Variants in ROBO2 observed in about 807,000 individuals in gnomAD.
The protein encoded by ROBO2 is roundabout homolog 2.
In ROBO2, 53 loss-of-function variants were observed where a neutral mutation model predicts 160.8. The ratio of observed to expected loss-of-function variants is 0.33; its 90% CI spans 0.26 to 0.41. The LOEUF is 0.41. Ranked by LOEUF, ROBO2 falls within the 10% of genes least tolerant of loss-of-function variation. The pLI is 1.00. For missense variants in ROBO2, 1,577 were observed against 1,722.4 expected (o/e 0.92, Z 1.49); for synonymous variants, 664 against 611.7 (o/e 1.09, Z -1.26).
chr3:76,423,251 A>G (rs1254370005), intron 2 of ROBO2, among the ~76,000 whole-genome samples: 1 of 152,242 alleles, frequency 6.6e-6, no homozygotes. Flanking sequence ...AGGAAGACAC[A>G]GAACTGCTGA....
intron 2 of ROBO2, among the ~76,000 whole-genome samples, chr3:77,438,340 C>T (rs2079537186): frequency 6.6e-6 from 1 of 151,722 alleles, no homozygotes; most frequent in Non-Finnish European, 1.5e-5. Flanking sequence ...AAATGACTAC[C>T]CACTTAGACT....
At chr3:77,580,267 T>A (rs1559656375) in intron 16 of ROBO2, 149 bp downstream of exon 17, 4 of 779,688 alleles carry the variant, frequency 5.1e-6, no homozygotes, top group South Asian at 1.5e-5. Flanking sequence ...CTGACTAGAG[T>A]TTTTTACAAA....
At chr3:75,952,366 A>G (rs1948574103) in intron 2 of ROBO2, among the ~76,000 whole-genome samples, 2 of 152,006 alleles carry the variant, frequency 1.3e-5, no homozygotes, top group Non-Finnish European at 2.9e-5. Flanking sequence ...GAATGAAACT[A>G]TATTTATTAA....
At chr3:76,122,382 C>A (rs969508567) in intron 2 of ROBO2, among the ~76,000 whole-genome samples, 7 of 151,866 alleles carry the variant, frequency 4.6e-5, no homozygotes, top group Non-Finnish European at 7.4e-5. Context: ...TTTTATTTTT[C>A]TTGATATTTT....
At chr3:77,589,287 A>G (rs1341497648) in intron 17 of ROBO2, among the ~76,000 whole-genome samples, 1 of 152,126 alleles carries the variant, frequency 6.6e-6, no homozygotes, top group East Asian at 1.9e-4. Flanking sequence ...ATGTTTGAGA[A>G]GTGGATTTAT....
chr3:77,115,067 T>C (rs910829541), intron 2 of ROBO2, among the ~76,000 whole-genome samples: 1 of 152,134 alleles, frequency 6.6e-6, no homozygotes, highest in Non-Finnish European at 1.5e-5. Flanking sequence ...CTTTCCATCT[T>C]AGATATGTTG....
intron 1 of ROBO2, among the ~76,000 whole-genome samples, chr3:75,908,684 G>A (rs943895031): frequency 6.6e-6 from 1 of 151,936 alleles, no homozygotes; most frequent in African/African-American, 2.4e-5. Flanking sequence ...TGAAAAAAAA[G>A]CATTTCTTAT....
intron 2 of ROBO2, among the ~76,000 whole-genome samples, chr3:76,644,682 T>C (rs1025890890): frequency 2.0e-5 from 3 of 152,294 alleles, no homozygotes; most frequent in Middle Eastern, 6.8e-3. Context: ...CCTACAAATG[T>C]AATAGATGCT....
chr3:77,149,492 C>T (rs1268491879), intron 2 of ROBO2, among the ~76,000 whole-genome samples: 3 of 152,130 alleles, frequency 2.0e-5, no homozygotes, highest in South Asian at 4.1e-4. Context: ...ACTTGCAACC[C>T]GTGTGTAAGA....
chr3:76,529,197 T>C (rs2082100658), intron 2 of ROBO2, among the ~76,000 whole-genome samples: 1 of 152,156 alleles, frequency 6.6e-6, no homozygotes, highest in African/African-American at 2.4e-5. Context: ...AAAGGATTCA[T>C]AAAAGCTTTT....
intron 2 of ROBO2, among the ~76,000 whole-genome samples, chr3:76,297,534 G>A (rs982831549): frequency 6.6e-6 from 1 of 151,944 alleles, no homozygotes; most frequent in Non-Finnish European, 1.5e-5. Flanking sequence ...GTTTCACAGT[G>A]TGTCATTCTT....
intron 2 of ROBO2, among the ~76,000 whole-genome samples, chr3:76,883,041 C>T (rs897686188): frequency 6.6e-6 from 1 of 152,154 alleles, no homozygotes; most frequent in Non-Finnish European, 1.5e-5. Context: ...CTTTTGCTTA[C>T]ATGATCCCAA....
At chr3:76,903,859 G>T (rs529789550) in intron 2 of ROBO2, among the ~76,000 whole-genome samples, 1 of 152,214 alleles carries the variant, frequency 6.6e-6, no homozygotes, top group Admixed American at 6.5e-5. Flanking sequence ...CTGAAACAGG[G>T]TCTGAGTTTG....
At chr3:76,842,125 A>G (rs893570898) in intron 2 of ROBO2, among the ~76,000 whole-genome samples, 34 of 152,242 alleles carry the variant, frequency 2.2e-4, no homozygotes, top group African/African-American at 6.8e-4. Flanking sequence ...AATAGAATCA[A>G]TGACACGATG....
intron 5 of ROBO2, among the ~76,000 whole-genome samples, chr3:77,507,918 C>T (rs1369196583): frequency 6.6e-6 from 1 of 151,918 alleles, no homozygotes. Flanking sequence ...CAGGAAGATG[C>T]ACCAGATTTT....
chr3:77,066,501 A>T (rs2066858742), intron 1 of ROBO2, among the ~76,000 whole-genome samples: 1 of 152,102 alleles, frequency 6.6e-6, no homozygotes, highest in Admixed American at 6.6e-5. Flanking sequence ...TATCAATTAG[A>T]AAAATTTTGT....
At chr3:76,133,556 C>A (rs569607067) in intron 2 of ROBO2, among the ~76,000 whole-genome samples, 1 of 152,158 alleles carries the variant, frequency 6.6e-6, no homozygotes, top group South Asian at 2.1e-4. Flanking sequence ...AGCCAGGAAG[C>A]CAGTCTGAGT....
chr3:75,939,016 T>G lies in ROBO2; in HGVS notation c.109+1414T>G, dbSNP rs77833506. Among the ~76,000 whole-genome samples the G allele has an allele frequency of 2.0e-5, 3 of 152,178 alleles. No homozygotes were observed. The East Asian group carries it at 5.8e-4, about 29-fold the overall frequency. On this transcript the variant is annotated intron_variant, in intron 2 of 26. Coordinates refer to the ROBO2 transcript ENST00000487694. ...GGTTTCTGTGGCTGTAAGAGTTGTTTATTTCTCTGGTAATGTGTAAAATTA... is the reference window on the plus strand; with the variant it reads ...GGTTTCTGTGGCTGTAAGAGTTGTTGATTTCTCTGGTAATGTGTAAAATTA...
At chr3:76,465,798 A>C (rs2106902889) in intron 2 of ROBO2, among the ~76,000 whole-genome samples, 1 of 152,168 alleles carries the variant, frequency 6.6e-6, no homozygotes, top group Middle Eastern at 3.4e-3. Flanking sequence ...GTTAACCTTC[A>C]AATATTATGA....
Sources: allele counts gnomAD v4.1 joint callset (sites outside exome capture counted in the v4.1 genomes callset), GRCh38; gene constraint gnomAD v4.1.1; transcripts MANE v1.5; gene names NCBI Gene and HGNC (gene_info 2026-07-23, HGNC 2026-07-21).